Variants in SLC5A7 observed in about 807,000 individuals in gnomAD.
The protein encoded by SLC5A7 is solute carrier family 5 member 7.
In SLC5A7, 19 loss-of-function variants were observed where a neutral mutation model predicts 55.4. The observed-to-expected ratio is 0.34, with a 90% confidence interval of 0.24 to 0.50. The LOEUF (loss-of-function observed/expected upper bound fraction) is 0.50. Among genes scored for constraint, SLC5A7 ranks in the 20% least tolerant of loss-of-function variants. The pLI, the probability that SLC5A7 is intolerant of heterozygous loss-of-function variation, is 0.98. For synonymous variants in SLC5A7, 265 were observed against 263.7 expected, an observed-to-expected ratio of 1.00 and a Z score of -0.05; for missense variants, 506 against 705.3, an observed-to-expected ratio of 0.72 and a Z score of 3.20.
rs982668625 is a variant in SLC5A7, at chr2:108,011,819, T to G, written c.*958T>G. On this transcript the variant is annotated 3_prime_UTR_variant, in exon 9 of 9. Coordinates refer to ENST00000264047, the MANE Select transcript of SLC5A7 (RefSeq NM_021815.5). ...GGCACACTGCTAAATTTACGTATAT[T>G]TCATTGAATACTTTATGGGAAGCCT... 6 of 152,166 alleles carry G rather than the reference T, an allele frequency of 3.9e-5. No individual in the cohort carries two copies. Among genetic ancestry groups the G allele is most frequent in the Non-Finnish European group, 8.8e-5 (6 of 68,018 alleles). The allele number at this position is 152,166 out of a possible 1,614,324, so 9.4% of individuals were successfully genotyped here.
intron 4 of SLC5A7, among the ~76,000 whole-genome samples, chr2:107,997,099 G>C (rs1436248994): frequency 1.3e-5 from 2 of 152,186 alleles, no homozygotes; most frequent in Non-Finnish European, 2.9e-5. Context: ...GGGTGATCAT[G>C]TTTCTCAGAA....
At position 108,002,711 on chromosome 2, in the gene SLC5A7, A is replaced by C. The variant is rs575615445; in HGVS notation, c.741+671A>C. Among the ~76,000 whole-genome samples, 4 of 152,262 alleles carry C rather than the reference A, an allele frequency of 2.6e-5. No individual in the cohort carries two copies. In the South Asian group the frequency reaches 8.3e-4, roughly 32 times the overall value. ...GCCTGAAAATAACACACTGTATTTG[A>C]TTTCAACGTAAGAAATCAATTATGG... is the stretch of plus-strand genomic sequence containing the variant. On this transcript the variant is annotated intron_variant, in intron 6 of 8. Transcript: ENST00000264047.
chr2:108,006,971 CTT>C lies in SLC5A7; in HGVS notation c.895+770_895+771del, dbSNP rs1309809590. ...ACAAACAAAGTCACTTAGAGAATAA[CTT>C]ATTAAAAAATGGTTTTGAAAAAAGA... is the stretch of plus-strand genomic sequence containing the variant. On this transcript the variant is annotated intron_variant, in intron 7 of 8. Transcript: ENST00000264047. 2.6e-5 allele frequency among the ~76,000 whole-genome samples: 4 copies of C among 152,256 alleles called. No homozygotes were observed. In the South Asian group the frequency reaches 6.2e-4, roughly 24 times the overall value.
chr2:108,002,074 A>T (rs762841032), intron 6 of SLC5A7, 34 bp downstream of exon 6: 1 of 1,583,410 alleles, frequency 6.3e-7, no homozygotes, highest in Non-Finnish European at 8.6e-7. Context: ...AATGTGATTT[A>T]ATTGTTCCTG....
chr2:108,001,697 A>C lies in SLC5A7; in HGVS notation c.598-200A>C, dbSNP rs985160330. Among the ~76,000 whole-genome samples, 4 of 151,746 alleles carry C rather than the reference A, an allele frequency of 2.6e-5. No individual in the cohort carries two copies. In the South Asian group the frequency reaches 6.2e-4, roughly 24 times the overall value. On this transcript the variant is annotated intron_variant, in intron 5 of 8. Transcript: ENST00000264047. The stretch of plus-strand genomic sequence containing the variant: ...CAAAAAAAAAAAAAAAAAGAAAAGA[A>C]ATAGTCAATGTGTTATTTTAATTCA...
intron 6 of SLC5A7, among the ~76,000 whole-genome samples, chr2:108,004,771 C>A (rs1390234986): frequency 6.6e-6 from 1 of 152,112 alleles, no homozygotes; most frequent in Non-Finnish European, 1.5e-5. Flanking sequence ...CTCTCAGGTA[C>A]TCTCTTCTCC....
At chr2:107,988,633 A>G (rs1259228935) in intron 2 of SLC5A7, among the ~76,000 whole-genome samples, 4 of 152,196 alleles carry the variant, frequency 2.6e-5, no homozygotes, top group African/African-American at 9.7e-5. Context: ...GAGTAAAAAC[A>G]AAGAGGTGGG....
chr2:107,995,916 T>C (rs1452607727), intron 4 of SLC5A7, among the ~76,000 whole-genome samples: 1 of 152,164 alleles, frequency 6.6e-6, no homozygotes, highest in Non-Finnish European at 1.5e-5. Context: ...TACCTCAAAG[T>C]ATCACTTTGT....
intron 7 of SLC5A7, 48 bp from the exon 8 acceptor site, chr2:108,008,417 A>C: frequency 2.0e-6 from 3 of 1,488,500 alleles, no homozygotes; most frequent in Non-Finnish European, 2.8e-6. Flanking sequence ...TGGATAAAGA[A>C]CATTTGGTTC....
Position 108,013,681 on chromosome 2 carries a change from C to T in SLC5A7, c.*2820C>T, listed in dbSNP as rs889772361. 1 of 152,104 alleles carries T rather than the reference C, an allele frequency of 6.6e-6. No individual in the cohort carries two copies. The highest frequency in any genetic ancestry group is 2.4e-5 in the African/African-American group (1 of 41,428). 9.4% of individuals were successfully genotyped at this position (152,104 alleles called of 1,614,324 possible). On this transcript the variant is annotated 3_prime_UTR_variant, in exon 9 of 9. Transcript: ENST00000264047. ...CTATATTAATCTGGGAAGGCAACAC[C>T]TGTGGATAAAACATTAGAAGAAAAC...
intron 6 of SLC5A7, among the ~76,000 whole-genome samples, chr2:108,003,540 G>A (rs1052296768): frequency 6.6e-6 from 1 of 152,148 alleles, no homozygotes. Flanking sequence ...TTGCATCAAT[G>A]GTCTTGATCT....
chr2:108,001,685 AAAAAG>A (rs1677912073), intron 5 of SLC5A7, among the ~76,000 whole-genome samples: 1 of 150,998 alleles, frequency 6.6e-6, no homozygotes, highest in African/African-American at 2.5e-5. Flanking sequence ...AAAAAAAAAA[AAAAAG>A]AAAAGAAATA....
chr2:107,999,042 A>T (rs1017382346), intron 5 of SLC5A7, among the ~76,000 whole-genome samples: 2 of 152,214 alleles, frequency 1.3e-5, no homozygotes, highest in Non-Finnish European at 2.9e-5. Context: ...TTAGATGTGC[A>T]GTTTAACTAT....
Position 108,011,047 on chromosome 2 carries a change from A to C in SLC5A7, c.*186A>C. 2.0e-6 allele frequency: 1 copy of C among 509,350 alleles called. No individual in the cohort carries two copies. Among genetic ancestry groups the C allele is most frequent in the Non-Finnish European group, 3.2e-6 (1 of 314,574 alleles). 31.6% of individuals were successfully genotyped at this position (509,350 alleles called of 1,614,324 possible). On this transcript the variant is annotated 3_prime_UTR_variant, in exon 9 of 9. Coordinates refer to ENST00000264047, the MANE Select transcript of SLC5A7 (RefSeq NM_021815.5). ...GAAGGAAGCACCTATGAAAGCAACA[A>C]CTTTGTTTCTCATCCATAGTAGTAT...
chr2:108,013,943 A>AATAAAATAAAAT lies in SLC5A7; in HGVS notation c.*3082_*3083insATAAAATAAAAT, dbSNP rs1275802184. 1.3e-5 allele frequency: 2 copies of AATAAAATAAAAT among 152,144 alleles called. No homozygotes were observed. Among genetic ancestry groups the AATAAAATAAAAT allele is most frequent in the East Asian group, 1.9e-4 (1 of 5,182 alleles). The allele number at this position is 152,144 out of a possible 1,614,324, so 9.4% of individuals were successfully genotyped here. On this transcript the variant is annotated 3_prime_UTR_variant, in exon 9 of 9. Coordinates refer to ENST00000264047, the MANE Select transcript of SLC5A7 (RefSeq NM_021815.5). ...AATAAGTGAATCTAATAAAATGGCTATTCCTCTTTTTACTTGGAAATAATA... is the reference window on the plus strand; with the variant it reads ...AATAAGTGAATCTAATAAAATGGCTAATAAAATAAAATTTCCTCTTTTTACTTGGAAATAATA...
At chr2:107,988,721 T>TA (rs70956244) in intron 2 of SLC5A7, among the ~76,000 whole-genome samples, 68,895 of 151,990 alleles carry the variant, frequency 0.45, 15,920 homozygotes, top group South Asian at 0.63. Flanking sequence ...ACGTGTCCGG[T>TA]AATACATGCA....
chr2:107,993,243 G>A (rs1220140868), intron 4 of SLC5A7, 116 bp downstream of exon 4: 11 of 1,107,380 alleles, frequency 9.9e-6, no homozygotes, highest in Non-Finnish European at 1.3e-5. Flanking sequence ...ACCATATGCT[G>A]AACCATATTT....
intron 5 of SLC5A7, among the ~76,000 whole-genome samples, chr2:108,000,285 A>C (rs1190995319): frequency 6.6e-6 from 1 of 152,032 alleles, no homozygotes; most frequent in Admixed American, 6.5e-5. Context: ...CTTATATGTC[A>C]CCCATGTATT....
At chr2:107,998,806 T>C (rs1348071492) in intron 5 of SLC5A7, among the ~76,000 whole-genome samples, 1 of 152,242 alleles carries the variant, frequency 6.6e-6, no homozygotes, top group African/African-American at 2.4e-5. Flanking sequence ...AACCTAACAC[T>C]AGAGATCATG....
Sources: gnomAD v4.1 joint callset for allele counts (sites outside exome capture counted in the v4.1 genomes callset) on GRCh38, gnomAD v4.1.1 for gene constraint, MANE v1.5 for transcripts, NCBI Gene and HGNC (gene_info 2026-07-23, HGNC 2026-07-21) for gene names.